The following LIFR variants were observed in gnomAD, a reference collection of about 807,000 sequenced individuals.
The protein encoded by LIFR is LIF receptor subunit alpha.
Under a neutral mutation model 122.2 loss-of-function variants are expected in LIFR, and 84 were observed. That is an observed-to-expected ratio of 0.69 (90% CI 0.58 to 0.82). LIFR has a LOEUF of 0.82. LIFR is among the 40% of genes least tolerant of loss of function. The pLI, the probability that LIFR is intolerant of heterozygous loss-of-function variation, is 0.00. For missense variants in LIFR, 1,294 were observed against 1,311.6 expected (o/e 0.99, Z 0.21); for synonymous variants, 422 against 434.7 (o/e 0.97, Z 0.36).
rs775047163 is a variant in LIFR, at chr5:38,528,743, T to C, written c.240A>G (p.Glu80=). 5 of 1,587,896 alleles carry C rather than the reference T, an allele frequency of 3.1e-6. No individual in the cohort carries two copies. Among genetic ancestry groups the C allele is most frequent in the Non-Finnish European group, 3.4e-6 (4 of 1,164,088 alleles). The change falls in exon 3 of 20, where the codon GAA becomes GAG. Residue 80 remains glutamate (E), a synonymous_variant. Coordinates refer to ENST00000453190, the MANE Select transcript of LIFR (RefSeq NM_001127671.2). ...AAAATTACCTGTTTTCAATGCAAACTTCATAATCAGTACCACGGCCTGTTC... is the reference window on the plus strand; with the variant it reads ...AAAATTACCTGTTTTCAATGCAAACCTCATAATCAGTACCACGGCCTGTTC... ...PSGTGRGTDY[E]VCIENRSRSC...
In LIFR at chr5:38,530,671, G is replaced by A. The variant is rs370411501; in HGVS notation, c.-19-5C>T. On this transcript the variant is annotated splice_region_variant and splice_polypyrimidine_tract_variant and intron_variant, in intron 1 of 19. Coordinates refer to ENST00000453190, the MANE Select transcript of LIFR (RefSeq NM_001127671.2). ...ATCTGTGCAATGCAGTCAGTCCTAGGTTAGGAGAGGAATTCCAGATGGTGT... is the reference window on the plus strand; with the variant it reads ...ATCTGTGCAATGCAGTCAGTCCTAGATTAGGAGAGGAATTCCAGATGGTGT... The A allele has an allele frequency of 8.1e-6, 13 of 1,612,628 alleles. No individual in the cohort carries two copies. The highest frequency in any genetic ancestry group is 1.1e-5 in the Non-Finnish European group (13 of 1,178,818).
At chr5:38,491,607 A>G (rs1744598646) in intron 14 of LIFR, among the ~76,000 whole-genome samples, 1 of 152,214 alleles carries the variant, frequency 6.6e-6, no homozygotes, top group African/African-American at 2.4e-5. Flanking sequence ...GTGTGGTTAA[A>G]GCATTAGTTC....
chr5:38,595,468 AGAG>A (rs1245612149), upstream of LIFR: 3 of 152,476 alleles, frequency 2.0e-5, no homozygotes, highest in South Asian at 4.1e-4. Flanking sequence ...CTGGAGGGAA[AGAG>A]GAGAAGGAAA....
chr5:38,578,498 G>A (rs1371605948), intron 1 of LIFR, among the ~76,000 whole-genome samples: 5 of 151,376 alleles, frequency 3.3e-5, no homozygotes, highest in African/African-American at 4.9e-5. Flanking sequence ...GAGACACCAC[G>A]CCCAACCAAG....
intron 16 of LIFR, among the ~76,000 whole-genome samples, chr5:38,486,959 A>G (rs531211993): frequency 1.3e-5 from 2 of 152,246 alleles, no homozygotes; most frequent in East Asian, 3.9e-4. Context: ...CATTGTTATA[A>G]CTGCTTTTTC....
chr5:38,535,258 G>C (rs1031234314), intron 1 of LIFR, among the ~76,000 whole-genome samples: 3 of 152,088 alleles, frequency 2.0e-5, no homozygotes, highest in Admixed American at 2.0e-4. Context: ...TTCCCTTCTT[G>C]CTAATTTCAT....
intron 1 of LIFR, among the ~76,000 whole-genome samples, chr5:38,564,704 A>G (rs543921142): frequency 6.7e-6 from 1 of 149,574 alleles, no homozygotes; most frequent in Admixed American, 6.8e-5. Flanking sequence ...ATATGTATAT[A>G]TATACACACA....
chr5:38,555,842 G>A (rs1748496607), intron 1 of LIFR, among the ~76,000 whole-genome samples: 2 of 152,060 alleles, frequency 1.3e-5, no homozygotes, highest in African/African-American at 4.8e-5. Flanking sequence ...AACAGAAATG[G>A]CATCTTTCAC....
At chr5:38,496,287 G>A (rs1227672545) in intron 13 of LIFR, 95 bp downstream of exon 13, 11 of 991,442 alleles carry the variant, frequency 1.1e-5, no homozygotes, top group East Asian at 4.8e-5. Flanking sequence ...CAAGGTATAC[G>A]AGAAGAAGGC....
chr5:38,548,048 ACT>A (rs1179783038), intron 1 of LIFR, among the ~76,000 whole-genome samples: 1 of 151,950 alleles, frequency 6.6e-6, no homozygotes, highest in African/African-American at 2.4e-5. Context: ...CTTTATTGCC[ACT>A]CTCTCTCAGT....
chr5:38,504,166 A>C (rs746473859), intron 9 of LIFR, 45 bp from the exon 10 acceptor site: 1 of 1,277,674 alleles, frequency 7.8e-7, no homozygotes, highest in South Asian at 1.2e-5. Flanking sequence ...TTAAAGGGAA[A>C]AACTATCTTC....
At position 38,475,412 on chromosome 5, in the gene LIFR, C is replaced by T. The variant is rs1232645107; in HGVS notation, c.*6183G>A. ...CGATTAAACATGATTTTAGGTACAG[C>T]ACATCACAACTGTTTATTCACCTTA... On this transcript the variant is annotated 3_prime_UTR_variant, in exon 20 of 20. Coordinates refer to ENST00000453190, the MANE Select transcript of LIFR (RefSeq NM_001127671.2). 1 of 197,830 alleles carries T rather than the reference C, an allele frequency of 5.1e-6. No homozygotes were observed. Among genetic ancestry groups the T allele is most frequent in the Non-Finnish European group, 1.0e-5 (1 of 95,442 alleles). The allele number at this position is 197,830 out of a possible 1,614,324, so 12.3% of individuals were successfully genotyped here.
intron 13 of LIFR, among the ~76,000 whole-genome samples, chr5:38,494,372 C>G (rs1274454693): frequency 6.6e-6 from 1 of 152,000 alleles, no homozygotes; most frequent in Non-Finnish European, 1.5e-5. Context: ...TGTGGAGACA[C>G]CCAGAGGCGA....
intron 16 of LIFR, among the ~76,000 whole-genome samples, chr5:38,487,101 A>T (rs1744326792): frequency 1.3e-5 from 2 of 151,958 alleles, no homozygotes; most frequent in Non-Finnish European, 2.9e-5. Context: ...CCCTCCACCC[A>T]TCCCTTGCCT....
intron 1 of LIFR, among the ~76,000 whole-genome samples, chr5:38,539,505 T>C (rs1292458633): frequency 6.6e-6 from 1 of 152,194 alleles, no homozygotes. Context: ...AGCAAATCCA[T>C]TCAAATAGAG....
intron 12 of LIFR, among the ~76,000 whole-genome samples, chr5:38,497,121 A>G (rs1351778852): frequency 6.6e-6 from 1 of 152,150 alleles, no homozygotes; most frequent in Non-Finnish European, 1.5e-5. Flanking sequence ...CATGACAAAC[A>G]TGAAACCCTG....
At position 38,510,501 on chromosome 5, in the gene LIFR, G is replaced by A. The variant is rs61748202; in HGVS notation, c.954C>T (p.Thr318=). Residue 318 remains threonine (T), a synonymous_variant, in exon 7 of 20, where the codon ACC becomes ACT. Transcript: ENST00000453190. ...ASSGTNVVFT[T]EDNIFGTVIF... is the part of the protein sequence containing the mutation. ...TAACGGTTCCAAATATGTTATCTTC[G>A]GTTGTAAAAACTACATTTGTTCCAC... The A allele has an allele frequency of 4.8e-3, 7,765 of 1,613,270 alleles. 30 individuals carry two copies. Among genetic ancestry groups the A allele is most frequent in the Non-Finnish European group, 5.4e-3 (6,377 of 1,179,574 alleles).
intron 1 of LIFR, among the ~76,000 whole-genome samples, chr5:38,575,581 G>T (rs987579824): frequency 1.3e-5 from 2 of 152,150 alleles, no homozygotes; most frequent in Non-Finnish European, 2.9e-5. Context: ...TGTGACAATT[G>T]TGAAGAACAC....
rs555170526 is a variant in LIFR at position 38,493,012 on chromosome 5, C to A, written c.2065+594G>T. On this transcript the variant is annotated intron_variant, in intron 14 of 19. Coordinates refer to ENST00000453190, the MANE Select transcript of LIFR (RefSeq NM_001127671.2). ...GGGACACTCACCGGCAGCTCACAAGCTCCTGAGCATCAGGCTCATGGAACG... is the reference window on the plus strand; with the variant it reads ...GGGACACTCACCGGCAGCTCACAAGATCCTGAGCATCAGGCTCATGGAACG... 5.3e-5 allele frequency among the ~76,000 whole-genome samples: 8 copies of A among 152,316 alleles called. No homozygotes were observed. The East Asian group carries it at 1.5e-3, about 29-fold the overall frequency.
Sources: allele counts gnomAD v4.1 joint callset (sites outside exome capture counted in the v4.1 genomes callset), GRCh38; gene constraint gnomAD v4.1.1; transcripts MANE v1.5; gene names NCBI Gene and HGNC (gene_info 2026-07-23, HGNC 2026-07-21).